The following RAB4A variants were observed in gnomAD, a reference collection of about 807,000 sequenced individuals.
RAB4A encodes ras-related protein Rab-4A.
In RAB4A, 20 loss-of-function variants were observed where a neutral mutation model predicts 34.5. That is an observed-to-expected ratio of 0.58 (90% confidence interval 0.41 to 0.84). RAB4A has a LOEUF of 0.84. RAB4A is among the 40% of genes least tolerant of loss of function. The probability of loss-of-function intolerance (pLI) is 0.00; values close to 1 mark genes in which losing one functional copy is unlikely to be tolerated. For missense variants in RAB4A, 228 were observed against 274.5 expected (o/e 0.83, Z 1.20); for synonymous variants, 102 against 100.0 (o/e 1.02, Z -0.12).
At chr1:229,293,369 C>T (rs960940918) in intron 3 of RAB4A, among the ~76,000 whole-genome samples, 1 of 152,328 alleles carries the variant, frequency 6.6e-6, no homozygotes, top group African/African-American at 2.4e-5. Context: ...CCAGCACTCT[C>T]CTCACTCGGT....
chr1:229,271,237 C>T lies in RAB4A; in HGVS notation c.-103C>T. 1.7e-6 allele frequency: 2 copies of T among 1,173,888 alleles called. No homozygotes were observed. The highest frequency in any genetic ancestry group is 2.2e-6 in the Non-Finnish European group (2 of 927,314). The allele number at this position is 1,173,888 out of a possible 1,614,324, so 72.7% of individuals were successfully genotyped here. On this transcript the variant is annotated 5_prime_UTR_variant, in exon 1 of 8. Coordinates refer to ENST00000366690, the MANE Select transcript of RAB4A (RefSeq NM_004578.4). ...GCCGTGGGGACCGGTCGGGCCCCTC[C>T]CTCCTCCGGTCCCCCGCCCCAGGTC...
Position 229,305,009 on chromosome 1 carries a change from T to C in RAB4A, c.*1216T>C, listed in dbSNP as rs1657515088. ...AGGTTAAAAAGCTTTCTTCACCTTA[T>C]ATATGTTCTTCCACTGTGACTTTTT... On this transcript the variant is annotated 3_prime_UTR_variant, in exon 8 of 8. Transcript: ENST00000366690. 3.6e-6 allele frequency: 4 copies of C among 1,115,700 alleles called. No homozygotes were observed. Among genetic ancestry groups the C allele is most frequent in the African/African-American group, 1.6e-5 (1 of 61,486 alleles). 69.1% of individuals were successfully genotyped at this position (1,115,700 alleles called of 1,614,324 possible).
chr1:229,284,734 T>G (rs1656878411), intron 1 of RAB4A, among the ~76,000 whole-genome samples: 1 of 152,228 alleles, frequency 6.6e-6, no homozygotes, highest in Non-Finnish European at 1.5e-5. Flanking sequence ...TTCAGAGTTA[T>G]TTTTTATTTG....
rs1656459927 is a variant in RAB4A at position 229,271,253 on chromosome 1, G to T, written c.-87G>T. The stretch of plus-strand genomic sequence containing the variant: ...GGGCCCCTCCCTCCTCCGGTCCCCC[G>T]CCCCAGGTCCTTCCCCACCGAGACG... On this transcript the variant is annotated 5_prime_UTR_variant, in exon 1 of 8. Transcript: ENST00000366690. The T allele has an allele frequency of 1.7e-6, 2 of 1,206,952 alleles. No homozygotes were observed. Among genetic ancestry groups the T allele is most frequent in the Admixed American group, 4.4e-5 (1 of 22,490 alleles). 74.8% of individuals were successfully genotyped at this position (1,206,952 alleles called of 1,614,324 possible). A position where few individuals can be genotyped will look rare whatever the true frequency, so the allele number is the denominator to read the frequency against.
intron 3 of RAB4A, among the ~76,000 whole-genome samples, chr1:229,295,398 CGTGGTGACTATGGATTCCT>C (rs1237865522): frequency 6.6e-6 from 1 of 151,994 alleles, no homozygotes; most frequent in Non-Finnish European, 1.5e-5. Context: ...GGTGTAGGGC[CGTGGTGACTATGGATTCCT>C]GTGGTGACTA....
intron 3 of RAB4A, among the ~76,000 whole-genome samples, chr1:229,294,022 A>C (rs972821045): frequency 7.9e-5 from 12 of 152,292 alleles, no homozygotes; most frequent in Non-Finnish European, 1.2e-4. Context: ...TGTGTAGTGT[A>C]GGAGACTGCA....
chr1:229,293,272 C>T (rs537937649), intron 3 of RAB4A, among the ~76,000 whole-genome samples: 5 of 152,218 alleles, frequency 3.3e-5, no homozygotes, highest in South Asian at 4.1e-4. Flanking sequence ...TACAAAGGCA[C>T]GATTGATTAA....
intron 6 of RAB4A, among the ~76,000 whole-genome samples, chr1:229,302,050 G>T (rs1471965944): frequency 6.6e-6 from 1 of 151,226 alleles, no homozygotes; most frequent in Non-Finnish European, 1.5e-5. Flanking sequence ...TAGGGATGCT[G>T]AACTGGTAAG....
At position 229,305,188 on chromosome 1, in the gene RAB4A, C is replaced by T; in HGVS notation, c.*1395C>T. 1 of 1,604,304 alleles carries T rather than the reference C, an allele frequency of 6.2e-7. No homozygotes were observed. Among genetic ancestry groups the T allele is most frequent in the Non-Finnish European group, 8.5e-7 (1 of 1,176,272 alleles). The stretch of plus-strand genomic sequence containing the variant: ...TCTGTTTTAGATATTTTGAGTTTTG[C>T]TTTTTTTATGCCTTGAATATTTTAT... On this transcript the variant is annotated 3_prime_UTR_variant, in exon 8 of 8. Coordinates refer to ENST00000366690, the MANE Select transcript of RAB4A (RefSeq NM_004578.4).
At chr1:229,279,866 G>A (rs933864247) in intron 1 of RAB4A, among the ~76,000 whole-genome samples, 1 of 152,152 alleles carries the variant, frequency 6.6e-6, no homozygotes, top group Non-Finnish European at 1.5e-5. Flanking sequence ...AAAATTTATT[G>A]TGAATTTGAG....
chr1:229,271,424 G>A, intron 1 of RAB4A, 54 bp downstream of exon 1: 1 of 1,191,762 alleles, frequency 8.4e-7, no homozygotes, highest in Non-Finnish European at 1.0e-6. Context: ...GGGCGTCGGT[G>A]GCGCGGGGCC....
Position 229,305,197 on chromosome 1 carries a change from T to C in RAB4A, c.*1404T>C. On this transcript the variant is annotated 3_prime_UTR_variant, in exon 8 of 8. Coordinates refer to ENST00000366690, the MANE Select transcript of RAB4A (RefSeq NM_004578.4). ...GATATTTTGAGTTTTGCTTTTTTTA[T>C]GCCTTGAATATTTTATTTCAAAAAG... The C allele has an allele frequency of 6.2e-7, 1 of 1,606,414 alleles. No individual in the cohort carries two copies. The highest frequency in any genetic ancestry group is 8.5e-7 in the Non-Finnish European group (1 of 1,177,066).
At chr1:229,303,013 C>G (rs764150700) in intron 7 of RAB4A, 24 bp downstream of exon 7, 1 of 1,522,062 alleles carries the variant, frequency 6.6e-7, no homozygotes, top group South Asian at 1.1e-5. Flanking sequence ...CCTCCCTGCC[C>G]TGAGTTCCTG....
chr1:229,279,948 C>T (rs756156160), intron 1 of RAB4A, among the ~76,000 whole-genome samples: 37 of 152,194 alleles, frequency 2.4e-4, no homozygotes, highest in Non-Finnish European at 3.7e-4. Flanking sequence ...AACCAGTTGA[C>T]ACTTAGTTAT....
At chr1:229,275,948 C>T (rs188306834) in intron 1 of RAB4A, among the ~76,000 whole-genome samples, 39 of 151,254 alleles carry the variant, frequency 2.6e-4, no homozygotes, top group Admixed American at 2.6e-3. Context: ...TCAAAGTCAC[C>T]TGGTTCCAAT....
At position 229,271,285 on chromosome 1, in the gene RAB4A, C is replaced by T; in HGVS notation, c.-55C>T. The T allele has an allele frequency of 1.5e-6, 2 of 1,326,010 alleles. No individual in the cohort carries two copies. Among genetic ancestry groups the T allele is most frequent in the Non-Finnish European group, 1.9e-6 (2 of 1,036,808 alleles). 82.1% of individuals were successfully genotyped at this position (1,326,010 alleles called of 1,614,324 possible). On this transcript the variant is annotated 5_prime_UTR_variant, in exon 1 of 8. Coordinates refer to ENST00000366690, the MANE Select transcript of RAB4A (RefSeq NM_004578.4). The stretch of plus-strand genomic sequence containing the variant: ...GTCCTTCCCCACCGAGACGCGCCGG[C>T]GGACCGCGGGCGAGTGCAGCCGGTG...
At position 229,303,909 on chromosome 1, in the gene RAB4A, G is replaced by A. The variant is rs1421895303; in HGVS notation, c.*116G>A. 2 of 152,164 alleles carry A rather than the reference G, an allele frequency of 1.3e-5. No individual in the cohort carries two copies. Among genetic ancestry groups the A allele is most frequent in the African/African-American group, 4.8e-5 (2 of 41,414 alleles). The allele number at this position is 152,164 out of a possible 1,614,324, so 9.4% of individuals were successfully genotyped here. On this transcript the variant is annotated 3_prime_UTR_variant, in exon 8 of 8. Coordinates refer to ENST00000366690, the MANE Select transcript of RAB4A (RefSeq NM_004578.4). Reference sequence around the variant, plus strand: ...ACTCTGTATGGAAGTAGATCTTTATGGGGAAAAGAGAATTTGGGGTGTTCT... The same window carrying A: ...ACTCTGTATGGAAGTAGATCTTTATAGGGAAAAGAGAATTTGGGGTGTTCT...
chr1:229,275,492 C>A (rs539686535), intron 1 of RAB4A, among the ~76,000 whole-genome samples: 1 of 152,196 alleles, frequency 6.6e-6, no homozygotes, highest in African/African-American at 2.4e-5. Flanking sequence ...TTTGTGATGG[C>A]AGCCCTAAGA....
At chr1:229,273,130 A>G (rs761549182) in intron 1 of RAB4A, among the ~76,000 whole-genome samples, 11 of 152,240 alleles carry the variant, frequency 7.2e-5, no homozygotes, top group Non-Finnish European at 1.5e-4. Context: ...TGGAATGTCC[A>G]AATAAGAAAA....
Sources: gnomAD v4.1 joint callset for allele counts (sites outside exome capture counted in the v4.1 genomes callset) on GRCh38, gnomAD v4.1.1 for gene constraint, MANE v1.5 for transcripts, NCBI Gene and HGNC (gene_info 2026-07-23, HGNC 2026-07-21) for gene names.